Variants in MYO3B observed in about 807,000 individuals in gnomAD.
MYO3B encodes the protein myosin-IIIb.
In MYO3B, 156 loss-of-function variants were observed where a neutral mutation model predicts 174.6. The observed-to-expected ratio is 0.89, with a 90% confidence interval of 0.78 to 1.02. The LOEUF (loss-of-function observed/expected upper bound fraction) is 1.02. MYO3B is among the 50% of genes least tolerant of loss of function. The pLI is 0.00. For synonymous variants in MYO3B, 563 were observed against 569.1 expected (o/e 0.99, Z 0.15); for missense variants, 1,632 against 1,639.4 (o/e 1.00, Z 0.08).
intron 7 of MYO3B, among the ~76,000 whole-genome samples, chr2:170,320,654 G>T (rs921841323): frequency 1.3e-5 from 2 of 151,664 alleles, no homozygotes; most frequent in African/African-American, 4.8e-5. Context: ...TATGATATAT[G>T]TTATGTATGT....
At chr2:170,221,006 T>C (rs1054527235) in intron 6 of MYO3B, among the ~76,000 whole-genome samples, 1 of 152,236 alleles carries the variant, frequency 6.6e-6, no homozygotes, top group African/African-American at 2.4e-5. Context: ...TCCATAGGAA[T>C]GTCCACAAGA....
At chr2:170,461,345 G>A (rs558104863) in intron 23 of MYO3B, among the ~76,000 whole-genome samples, 2 of 151,220 alleles carry the variant, frequency 1.3e-5, no homozygotes, top group Admixed American at 6.6e-5. Flanking sequence ...GTGGTGGCGG[G>A]CACCTGTAAT....
chr2:170,653,037 G>A lies in MYO3B; in HGVS notation c.3942G>A (p.Val1314=). ...EDEYYKSLSP[V]DCIPEENNSA... ...AATATTACAAATCTCTGTCACCAGT[G>A]GACTGTATCCCTGAGGAGAACAACT... Residue 1314 remains valine, a synonymous_variant, in exon 35 of 35, where the codon GTG becomes GTA. Transcript: ENST00000408978. 6.2e-7 allele frequency: 1 copy of A among 1,614,080 alleles called. No homozygotes were observed. The highest frequency in any genetic ancestry group is 1.1e-5 in the South Asian group (1 of 91,066).
intron 7 of MYO3B, among the ~76,000 whole-genome samples, chr2:170,302,349 C>T (rs2093671267): frequency 6.6e-6 from 1 of 152,134 alleles, no homozygotes; most frequent in Non-Finnish European, 1.5e-5. Context: ...AGAAAAAACC[C>T]CAGCAATATT....
At chr2:170,307,128 A>T (rs750798028) in intron 7 of MYO3B, among the ~76,000 whole-genome samples, 2 of 151,774 alleles carry the variant, frequency 1.3e-5, no homozygotes, top group Non-Finnish European at 2.9e-5. Flanking sequence ...CAGCAGTCCT[A>T]ACTACTTTGG....
chr2:170,463,497 A>T (rs755810311), intron 24 of MYO3B, 52 bp downstream of exon 24: 2 of 1,513,120 alleles, frequency 1.3e-6, no homozygotes, highest in South Asian at 2.3e-5. Flanking sequence ...AGGACTGTCT[A>T]AGCCTTCTTA....
rs756568745 is a variant in MYO3B, at chr2:170,392,464, A to G, written c.1760A>G (p.His587Arg). 3.1e-6 allele frequency: 5 copies of G among 1,595,922 alleles called. No homozygotes were observed. The South Asian group carries it at 4.6e-5, about 15-fold the overall frequency. Reference sequence around the variant, plus strand: ...AGAAGACAATTCGAAGCAATTCAGCATTGCTTCAGGATTATAGGGTTCACG... The same window carrying G: ...AGAAGACAATTCGAAGCAATTCAGCGTTGCTTCAGGATTATAGGGTTCACG... ...SYRRQFEAIQ[H>R]CFRIIGFTDK... The change falls in exon 16 of 35, where the codon CAT becomes CGT. Residue 587 changes from histidine to arginine, a missense_variant. His to Arg is a conservative substitution (Grantham distance 29, BLOSUM62 0). Transcript: ENST00000408978.
chr2:170,472,201 G>A (rs1422880994), intron 25 of MYO3B, among the ~76,000 whole-genome samples: 2 of 152,122 alleles, frequency 1.3e-5, no homozygotes, highest in Non-Finnish European at 2.9e-5. Flanking sequence ...TCCTATCTGA[G>A]CATATTGTTT....
intron 7 of MYO3B, among the ~76,000 whole-genome samples, chr2:170,246,824 G>T (rs1205254157): frequency 2.6e-5 from 4 of 152,104 alleles, no homozygotes; most frequent in Non-Finnish European, 5.9e-5. Context: ...GCATCCTGGA[G>T]GTCTGCCTAG....
intron 32 of MYO3B, among the ~76,000 whole-genome samples, chr2:170,599,021 G>A (rs1410457839): frequency 6.6e-6 from 1 of 152,126 alleles, no homozygotes; most frequent in Non-Finnish European, 1.5e-5. Flanking sequence ...CCTACTGCAG[G>A]TCAGGCCCAG....
At chr2:170,279,321 G>A (rs1482855875) in intron 7 of MYO3B, among the ~76,000 whole-genome samples, 2 of 151,958 alleles carry the variant, frequency 1.3e-5, no homozygotes, top group Admixed American at 6.6e-5. Flanking sequence ...TTTGATAATA[G>A]CTATTCTAAT....
intron 25 of MYO3B, among the ~76,000 whole-genome samples, chr2:170,491,647 A>T (rs577316369): frequency 1.3e-5 from 2 of 152,172 alleles, no homozygotes; most frequent in Non-Finnish European, 2.9e-5. Context: ...GGACGGTCTC[A>T]ATCTCCTGAC....
chr2:170,341,917 G>T (rs550497675), intron 8 of MYO3B, among the ~76,000 whole-genome samples: 1 of 152,246 alleles, frequency 6.6e-6, no homozygotes, highest in Admixed American at 6.5e-5. Context: ...GATAAAATCT[G>T]ATTTTCTCAT....
intron 32 of MYO3B, among the ~76,000 whole-genome samples, chr2:170,567,107 T>G (rs949245037): frequency 3.3e-5 from 5 of 152,246 alleles, no homozygotes; most frequent in African/African-American, 1.2e-4. Context: ...CTGTATTTAT[T>G]GCATAAATTG....
rs751981467 is a variant in MYO3B, at chr2:170,607,555, A to C, written c.3734-44073A>C. ...AAGTTTCATGACCATTCCTGAATTC[A>C]GCAGTGTAGAGAAGTGAATCTTTCT... On this transcript the variant is annotated intron_variant, in intron 32 of 34. Transcript: ENST00000408978. 4.2e-5 allele frequency among the ~76,000 whole-genome samples: 6 copies of C among 144,570 alleles called. No individual in the cohort carries two copies. The East Asian group carries it at 9.8e-4, about 24-fold the overall frequency. 94.8% of individuals were successfully genotyped at this position (144,570 alleles called of 152,430 possible). A position where few individuals can be genotyped will look rare whatever the true frequency, so the allele number is the denominator to read the frequency against.
At chr2:170,462,621 C>T (rs2105957140) in intron 23 of MYO3B, among the ~76,000 whole-genome samples, 1 of 152,392 alleles carries the variant, frequency 6.6e-6, no homozygotes, top group South Asian at 2.1e-4. Flanking sequence ...TATACCCTTG[C>T]CACCTGTTCA....
intron 25 of MYO3B, among the ~76,000 whole-genome samples, chr2:170,472,028 A>G (rs1005182931): frequency 6.6e-6 from 1 of 150,670 alleles, no homozygotes; most frequent in African/African-American, 2.4e-5. Flanking sequence ...CAACTTGACC[A>G]TAAATTTAAG....
At chr2:170,440,682 G>C (rs904368448) in intron 22 of MYO3B, among the ~76,000 whole-genome samples, 3 of 151,432 alleles carry the variant, frequency 2.0e-5, no homozygotes, top group African/African-American at 7.3e-5. Context: ...GAATCTGGGA[G>C]GTGGAGGTTG....
chr2:170,281,653 T>A (rs918200514), intron 7 of MYO3B, among the ~76,000 whole-genome samples: 4 of 152,056 alleles, frequency 2.6e-5, no homozygotes, highest in Non-Finnish European at 5.9e-5. Flanking sequence ...AAAGACCTCA[T>A]ATTAACAACC....
Sources: gnomAD v4.1 joint callset for allele counts (sites outside exome capture counted in the v4.1 genomes callset) on GRCh38, gnomAD v4.1.1 for gene constraint, MANE v1.5 for transcripts, NCBI Gene and HGNC (gene_info 2026-07-23, HGNC 2026-07-21) for gene names.